CADM1: variants seen among roughly 807,000 people sequenced by gnomAD.
CADM1 encodes TSLC-1.
A neutral mutation model predicts 53.1 loss-of-function variants in CADM1; 15 were observed. The observed-to-expected ratio is 0.28, with a 90% CI of 0.19 to 0.44. CADM1 has a LOEUF of 0.44. Among genes scored for constraint, CADM1 ranks in the 20% least tolerant of loss-of-function variants. The pLI, the probability that CADM1 is intolerant of heterozygous loss-of-function variation, is 1.00. For synonymous variants in CADM1, 281 were observed against 243.0 expected, an observed-to-expected ratio of 1.16 and a Z score of -1.45; for missense variants, 434 against 611.3, an observed-to-expected ratio of 0.71 and a Z score of 3.06.
chr11:115,418,176 A>G (rs1450667119), intron 1 of CADM1, among the ~76,000 whole-genome samples: 3 of 152,224 alleles, frequency 2.0e-5, no homozygotes, highest in Non-Finnish European at 4.4e-5. Context: ...CCATCCTGGA[A>G]TGCAAAAGTC....
intron 1 of CADM1, among the ~76,000 whole-genome samples, chr11:115,270,863 G>T (rs973090344): frequency 6.6e-6 from 1 of 152,124 alleles, no homozygotes; most frequent in African/African-American, 2.4e-5. Flanking sequence ...TTACAACATG[G>T]TTAATAAATC....
chr11:115,324,489 C>T (rs897514124), intron 1 of CADM1, among the ~76,000 whole-genome samples: 1 of 103,108 alleles, frequency 9.7e-6, no homozygotes, highest in African/African-American at 3.9e-5. Flanking sequence ...AGTCTGTTCT[C>T]TCTTGTTGGT....
At chr11:115,321,261 T>C (rs965159102) in intron 1 of CADM1, among the ~76,000 whole-genome samples, 1 of 152,164 alleles carries the variant, frequency 6.6e-6, no homozygotes, top group Non-Finnish European at 1.5e-5. Context: ...AGTTGCAAGA[T>C]TGGTAAGAAG....
intron 1 of CADM1, among the ~76,000 whole-genome samples, chr11:115,483,509 G>C (rs1193506890): frequency 6.6e-6 from 1 of 152,056 alleles, no homozygotes; most frequent in Non-Finnish European, 1.5e-5. Context: ...CTTCAAATGA[G>C]GAAAGGACTA....
intron 1 of CADM1, among the ~76,000 whole-genome samples, chr11:115,414,233 A>T (rs1334170681): frequency 6.6e-6 from 1 of 152,164 alleles, no homozygotes; most frequent in African/African-American, 2.4e-5. Context: ...GAAAAAAAAC[A>T]CCCAACACTT....
intron 1 of CADM1, among the ~76,000 whole-genome samples, chr11:115,261,051 A>T (rs1942959705): frequency 1.3e-5 from 2 of 152,116 alleles, no homozygotes; most frequent in South Asian, 4.1e-4. Context: ...CCCACTTGTT[A>T]CATAGGCCAA....
At chr11:115,307,008 G>T (rs2135150780) in intron 1 of CADM1, among the ~76,000 whole-genome samples, 1 of 152,064 alleles carries the variant, frequency 6.6e-6, no homozygotes, top group South Asian at 2.1e-4. Flanking sequence ...TGGAGTGAGT[G>T]AGTGATGTAG....
Position 115,198,388 on chromosome 11 carries a change from CA to C in CADM1, c.1111+17del. 6.3e-7 allele frequency: 1 copy of C among 1,587,186 alleles called. No homozygotes were observed. Among genetic ancestry groups the C allele is most frequent in the Non-Finnish European group, 8.5e-7 (1 of 1,172,102 alleles). The stretch of plus-strand genomic sequence containing the variant: ...CAGCAGTGCTGAGAAAGTAGATAAA[CA>C]GTAATGTGATACCAACCGTGAACTG... On this transcript the variant is annotated intron_variant, in intron 9 of 11. Coordinates refer to ENST00000331581, the MANE Select transcript of CADM1 (RefSeq NM_001301043.2).
intron 1 of CADM1, among the ~76,000 whole-genome samples, chr11:115,314,128 T>C (rs947746316): frequency 0.013 from 2 of 160 alleles, no homozygotes; most frequent in African/African-American, 0.029. Context: ...GGGGAACTAG[T>C]ACCCCAGGAA....
chr11:115,279,878 T>A (rs1391124645), intron 1 of CADM1, among the ~76,000 whole-genome samples: 4 of 152,176 alleles, frequency 2.6e-5, no homozygotes, highest in Admixed American at 1.3e-4. Flanking sequence ...ACCCAGCTCA[T>A]CACGCTGCAA....
intron 1 of CADM1, among the ~76,000 whole-genome samples, chr11:115,449,279 G>A (rs1218053393): frequency 1.3e-5 from 2 of 152,156 alleles, no homozygotes; most frequent in Admixed American, 1.3e-4. Flanking sequence ...AAAATGGACA[G>A]ACTACCCAAA....
At position 115,502,417 on chromosome 11, in the gene CADM1, C is replaced by T. The variant is rs1949749221; in HGVS notation, c.124+1854G>A. Among the ~76,000 whole-genome samples the T allele has an allele frequency of 2.0e-5, 3 of 146,522 alleles. No homozygotes were observed. In the Admixed American group the frequency reaches 2.1e-4, roughly 10 times the overall value. On this transcript the variant is annotated intron_variant, in intron 1 of 11. Transcript: ENST00000331581. ...GCCAGTTACCGAGCCTTTACTCACGCTCACGTTTAACTGACACTGGCGCTT... is the reference window on the plus strand; with the variant it reads ...GCCAGTTACCGAGCCTTTACTCACGTTCACGTTTAACTGACACTGGCGCTT...
At chr11:115,454,687 G>T (rs537408685) in intron 1 of CADM1, among the ~76,000 whole-genome samples, 1 of 152,204 alleles carries the variant, frequency 6.6e-6, no homozygotes, top group African/African-American at 2.4e-5. Flanking sequence ...CTGACTAAAG[G>T]CCAGGATTCT....
chr11:115,445,992 G>A (rs1948442926), intron 1 of CADM1, among the ~76,000 whole-genome samples: 1 of 152,112 alleles, frequency 6.6e-6, no homozygotes, highest in Admixed American at 6.6e-5. Flanking sequence ...GATTCAACTT[G>A]GAAAGGACTT....
intron 1 of CADM1, among the ~76,000 whole-genome samples, chr11:115,311,104 T>G (rs1303669558): frequency 6.6e-6 from 1 of 152,216 alleles, no homozygotes; most frequent in Non-Finnish European, 1.5e-5. Context: ...TTTCCATGAC[T>G]GTAGATAGCT....
At chr11:115,355,919 G>A (rs537624945) in intron 1 of CADM1, among the ~76,000 whole-genome samples, 2 of 152,206 alleles carry the variant, frequency 1.3e-5, no homozygotes, top group South Asian at 2.1e-4. Context: ...TGCAACCTCC[G>A]CCTCCTGGGT....
intron 1 of CADM1, among the ~76,000 whole-genome samples, chr11:115,379,809 AAAAC>A (rs1946529909): frequency 1.3e-5 from 2 of 152,218 alleles, no homozygotes; most frequent in African/African-American, 2.4e-5. Flanking sequence ...CAAACACAGA[AAAAC>A]AAAAACTCCC....
At chr11:115,408,981 T>C (rs1393444279) in intron 1 of CADM1, among the ~76,000 whole-genome samples, 1 of 152,184 alleles carries the variant, frequency 6.6e-6, no homozygotes, top group Non-Finnish European at 1.5e-5. Flanking sequence ...ATACCAACTC[T>C]AGTTGCACAG....
chr11:115,367,596 T>G (rs1488987548), intron 1 of CADM1, among the ~76,000 whole-genome samples: 1 of 152,152 alleles, frequency 6.6e-6, no homozygotes, highest in Non-Finnish European at 1.5e-5. Context: ...TGTTAGCATT[T>G]TGTTGCATTT....
Sources: allele counts gnomAD v4.1 joint callset (sites outside exome capture counted in the v4.1 genomes callset), GRCh38; gene constraint gnomAD v4.1.1; transcripts MANE v1.5; gene names NCBI Gene and HGNC (gene_info 2026-07-23, HGNC 2026-07-21).